The following KCNAB2 variants were observed in gnomAD, a reference collection of about 807,000 sequenced individuals.
KCNAB2 encodes the protein voltage-gated potassium channel subunit beta-2.
KCNAB2 carries 29 observed loss-of-function variants against 63.6 expected under a neutral mutation model. That is an observed-to-expected ratio of 0.46 (90% CI 0.34 to 0.62). KCNAB2 has a LOEUF of 0.62. Among genes scored for constraint, KCNAB2 ranks in the 20% least tolerant of loss-of-function variants. KCNAB2 has a pLI of 0.01. For missense variants in KCNAB2, 359 were observed against 563.9 expected, an observed-to-expected ratio of 0.64 and a Z score of 3.68; for synonymous variants, 222 against 224.2, an observed-to-expected ratio of 0.99 and a Z score of 0.09.
rs539159932 is a variant in KCNAB2, at chr1:5,999,495, G to A, written c.-53+6707G>A. On this transcript the variant is annotated intron_variant, in intron 1 of 16. Coordinates refer to the KCNAB2 transcript ENST00000341524. ...GTTTGTGATGGTTGAAAGCTCCGGCGAGAAGGGCTTTGCGGGGGTTTCTGT... is the reference window on the plus strand; with the variant it reads ...GTTTGTGATGGTTGAAAGCTCCGGCAAGAAGGGCTTTGCGGGGGTTTCTGT... 1.6e-4 allele frequency among the ~76,000 whole-genome samples: 25 copies of A among 152,352 alleles called. No individual in the cohort carries two copies. The South Asian group carries it at 3.1e-3, about 19-fold the overall frequency.
intron 2 of KCNAB2, among the ~76,000 whole-genome samples, chr1:6,056,247 G>A (rs1389921110): frequency 3.3e-5 from 5 of 152,162 alleles, no homozygotes; most frequent in Admixed American, 2.0e-4. Context: ...GTTTCACCAC[G>A]TTGGCCAGGC....
At chr1:6,081,636 C>T (rs956290383) in intron 4 of KCNAB2, among the ~76,000 whole-genome samples, 10 of 149,594 alleles carry the variant, frequency 6.7e-5, no homozygotes, top group Admixed American at 1.3e-4. Flanking sequence ...ATGCCTCTTT[C>T]AGCTCCTGGG....
chr1:6,004,869 C>T (rs1657465986), intron 1 of KCNAB2, among the ~76,000 whole-genome samples: 1 of 149,472 alleles, frequency 6.7e-6, no homozygotes, highest in African/African-American at 2.5e-5. Context: ...AGTCTGGCTG[C>T]TTCTTCCTCA....
In KCNAB2 at chr1:6,071,251, G is replaced by A. The variant is rs937637851; in HGVS notation, c.219-1504G>A. Among the ~76,000 whole-genome samples the A allele has an allele frequency of 6.6e-6, 1 of 152,204 alleles. No individual in the cohort carries two copies. The highest frequency in any genetic ancestry group is 1.5e-5 in the Non-Finnish European group (1 of 68,046). Reference sequence around the variant, plus strand: ...GAGGACATCGCATCCTCCGAAGTTGGAAGTGTCATGGCCCCAGGGAAATGC... The same window carrying A: ...GAGGACATCGCATCCTCCGAAGTTGAAAGTGTCATGGCCCCAGGGAAATGC... On this transcript the variant is annotated intron_variant, in intron 2 of 15. Coordinates refer to ENST00000378083, the MANE Select transcript of KCNAB2 (RefSeq NM_001199862.2). The surrounding 1 kb of genome is among the most constrained non-coding windows in gnomAD (Gnocchi z 8.5).
At chr1:6,004,823 C>A (rs888268582) in intron 1 of KCNAB2, among the ~76,000 whole-genome samples, 2 of 151,862 alleles carry the variant, frequency 1.3e-5, no homozygotes, top group Non-Finnish European at 2.9e-5. Flanking sequence ...TAGGTTTCTA[C>A]CCCCGAGTCC....
chr1:6,000,061 G>A (rs537335551), intron 1 of KCNAB2, among the ~76,000 whole-genome samples: 6 of 151,778 alleles, frequency 4.0e-5, no homozygotes, highest in East Asian at 1.9e-4. Flanking sequence ...TCTGTGCCCC[G>A]TCCACACCCT....
chr1:6,089,044 A>C lies in KCNAB2; in HGVS notation c.507A>C (p.Ile169=). 1 of 1,548,904 alleles carries C rather than the reference A, an allele frequency of 6.5e-7. No homozygotes were observed. Residue 169 remains isoleucine, a synonymous_variant, in exon 8 of 16, where the codon ATA becomes ATC. Coordinates refer to ENST00000378083, the MANE Select transcript of KCNAB2 (RefSeq NM_001199862.2). ...ETERGLSRKH[I]IEGLKASLER... Reference sequence around the variant, plus strand: ...AGCGGGGCCTGTCCAGGAAGCACATAATCGAAGGTGAGGACGCGCTCGGGC... The same window carrying C: ...AGCGGGGCCTGTCCAGGAAGCACATCATCGAAGGTGAGGACGCGCTCGGGC...
rs1657348752 is a variant in KCNAB2 at position 6,003,053 on chromosome 1, T to TGACC, written c.-53+10267_-53+10270dup. ...GCTACCAGAGGACAGAGCTAGAACA[T>TGACC]GACCGCAGCAGACGCCTGATCCTGC... On this transcript the variant is annotated intron_variant, in intron 1 of 16. Transcript: ENST00000341524. This position sits in a 1 kb window ranked among gnomAD's most constrained non-coding sequence, Gnocchi z 4.1. Among the ~76,000 whole-genome samples the TGACC allele has an allele frequency of 6.6e-6, 1 of 152,184 alleles. No homozygotes were observed. The highest frequency in any genetic ancestry group is 2.4e-5 in the African/African-American group (1 of 41,448).
chr1:6,053,231 A>G (rs931166089), intron 2 of KCNAB2, among the ~76,000 whole-genome samples: 1 of 152,108 alleles, frequency 6.6e-6, no homozygotes, highest in African/African-American at 2.4e-5. Flanking sequence ...GACGCTGGGC[A>G]TTCATGAGGG....
rs565882631 is a variant in KCNAB2, at chr1:6,061,784, C to A, written c.218+10030C>A. Among the ~76,000 whole-genome samples, 106 of 152,284 alleles carry A rather than the reference C, an allele frequency of 7.0e-4. 1 individual carries two copies. Among genetic ancestry groups the A allele is most frequent in the Admixed American group, 5.2e-4 (8 of 15,286 alleles). On this transcript the variant is annotated intron_variant, in intron 2 of 15. Transcript: ENST00000378083. ...CTTTTTAAAATTACCCTCCACCCCACCTTATTCCAAAAAGGATTGTAGGTG... is the reference window on the plus strand; with the variant it reads ...CTTTTTAAAATTACCCTCCACCCCAACTTATTCCAAAAAGGATTGTAGGTG...
Position 6,100,083 on chromosome 1 carries a change from C to T in KCNAB2, c.*1509C>T, listed in dbSNP as rs1050250054. ...CCCTCAGTGCAGGCACCTCTGTTCC[C>T]GCTTTGCCCCTGGAGGAGCCACTAT... On this transcript the variant is annotated 3_prime_UTR_variant, in exon 16 of 16. Transcript: ENST00000378083. The T allele has an allele frequency of 2.4e-5, 35 of 1,455,034 alleles. 1 individual carries two copies. Among genetic ancestry groups the T allele is most frequent in the South Asian group, 1.6e-4 (11 of 68,550 alleles). 90.1% of individuals were successfully genotyped at this position (1,455,034 alleles called of 1,614,324 possible).
At chr1:6,040,631 C>G (rs748273253) in exon 2 of KCNAB2, 7 of 1,613,364 alleles carry the variant, frequency 4.3e-6, no homozygotes, top group African/African-American at 1.3e-5. Flanking sequence ...CGGGCTCCCC[C>G]GGGATGATCT....
intron 1 of KCNAB2, among the ~76,000 whole-genome samples, chr1:6,000,667 A>AG (rs1429617153): frequency 8.0e-4 from 122 of 151,790 alleles, no homozygotes; most frequent in East Asian, 5.8e-3. Context: ...AAAAAAAAAA[A>AG]AAAGAAAACA....
chr1:6,016,150 C>CT (rs1658481750), intron 1 of KCNAB2, among the ~76,000 whole-genome samples: 1 of 152,238 alleles, frequency 6.6e-6, no homozygotes, highest in Admixed American at 6.5e-5. Flanking sequence ...CAGCCACCAG[C>CT]ACCCACCTGC....
chr1:6,091,129 A>AT (rs917015838), intron 9 of KCNAB2, 134 bp from the exon 10 acceptor site: 3 of 700,986 alleles, frequency 4.3e-6, no homozygotes, highest in Non-Finnish European at 2.6e-6. Context: ...GTGTTGATAT[A>AT]TTTTTTTCCT....
intron 1 of KCNAB2, among the ~76,000 whole-genome samples, chr1:6,005,583 G>A (rs920888465): frequency 6.6e-5 from 10 of 151,468 alleles, no homozygotes; most frequent in Non-Finnish European, 2.9e-5. Flanking sequence ...ATCCAACCTG[G>A]GTCCCCTCTC....
intron 4 of KCNAB2, among the ~76,000 whole-genome samples, chr1:6,081,374 G>A (rs759484094): frequency 1.2e-4 from 19 of 152,234 alleles, no homozygotes; most frequent in Non-Finnish European, 8.8e-5. Flanking sequence ...ATGTGCAGGT[G>A]CTGGGAAAGA....
At chr1:6,009,564 G>C (rs1158123408) in intron 1 of KCNAB2, among the ~76,000 whole-genome samples, 1 of 152,238 alleles carries the variant, frequency 6.6e-6, no homozygotes, top group Non-Finnish European at 1.5e-5. Flanking sequence ...TCAACTTCCT[G>C]TAATGGGAGG....
intron 1 of KCNAB2, among the ~76,000 whole-genome samples, chr1:6,005,425 T>TGGAAGCTGAGCTGAGGGGTGG (rs1657593879): frequency 1.4e-3 from 1 of 700 alleles, no homozygotes; most frequent in East Asian, 0.071. Flanking sequence ...GGTGGAGTTG[T>TGGAAGCTGAGCTGAGGGGTGG]GGGTTGTGTG....
Sources: allele counts gnomAD v4.1 joint callset (sites outside exome capture counted in the v4.1 genomes callset), GRCh38; gene constraint gnomAD v4.1.1; non-coding constraint Gnocchi (gnomAD v3.1); transcripts MANE v1.5; gene names NCBI Gene and HGNC (gene_info 2026-07-23, HGNC 2026-07-21).